Variants in DDX10 observed in about 807,000 individuals in gnomAD.
DDX10 encodes DEAD-box helicase 10, also known as probable ATP-dependent RNA helicase DDX10.
DDX10 carries 74 observed loss-of-function variants against 104.3 expected under a neutral mutation model. That is an observed-to-expected ratio of 0.71 (90% CI 0.59 to 0.86). The LOEUF (loss-of-function observed/expected upper bound fraction) is 0.86. Among genes scored for constraint, DDX10 ranks in the 40% least tolerant of loss-of-function variants. DDX10 has a pLI of 0.00. For synonymous variants in DDX10, 351 were observed against 353.4 expected, an observed-to-expected ratio of 0.99 and a Z score of 0.08; for missense variants, 952 against 1,040.0, an observed-to-expected ratio of 0.92 and a Z score of 1.16.
intron 6 of DDX10, among the ~76,000 whole-genome samples, chr11:108,683,302 T>G (rs2094238123): frequency 6.6e-6 from 1 of 152,230 alleles, no homozygotes; most frequent in African/African-American, 2.4e-5. Flanking sequence ...GGTTGGCATG[T>G]TCCTCAAGGG....
chr11:108,885,182 C>G (rs1347972746), intron 16 of DDX10, among the ~76,000 whole-genome samples: 1 of 152,018 alleles, frequency 6.6e-6, no homozygotes, highest in Non-Finnish European at 1.5e-5. Context: ...TTCCAAATGG[C>G]CTTCAGTGTA....
chr11:108,890,573 A>G (rs1863362470), intron 16 of DDX10, among the ~76,000 whole-genome samples: 1 of 151,990 alleles, frequency 6.6e-6, no homozygotes, highest in African/African-American at 2.4e-5. Flanking sequence ...CCACTTAAAA[A>G]AAAAAAAAAG....
chr11:108,848,446 T>C lies in DDX10; in HGVS notation c.2248-3707T>C, dbSNP rs1256280201. Among the ~76,000 whole-genome samples the C allele has an allele frequency of 2.6e-5, 4 of 152,160 alleles. No homozygotes were observed. In the East Asian group the frequency reaches 7.7e-4, roughly 29 times the overall value. ...AATGAAGCTTATTTATATGAGAGGA[T>C]AAAAGATCCTTTTCATGACAACCCT... On this transcript the variant is annotated intron_variant, in intron 15 of 17. Coordinates refer to ENST00000322536, the MANE Select transcript of DDX10 (RefSeq NM_004398.4).
In DDX10 at chr11:108,841,346, C is replaced by G; in HGVS notation, c.2117C>G (p.Ser706Cys). 4 of 1,613,286 alleles carry G rather than the reference C, an allele frequency of 2.5e-6. No individual in the cohort carries two copies. Among genetic ancestry groups the G allele is most frequent in the South Asian group, 2.2e-5 (2 of 90,982 alleles). Residue 706 changes from serine to cysteine, a missense_variant, in exon 15 of 18, where the codon TCT (serine) becomes TGT (cysteine). Ser to Cys is a moderately radical substitution (Grantham distance 112, BLOSUM62 -1). This residue lies in a region of DDX10 where 533 missense variants were observed against 534.1 expected (regional missense o/e 1.00). Transcript: ENST00000322536. Reference protein sequence around the residue: ...LVQQWPQMQKSAIKDAEEDDD... With the variant: ...LVQQWPQMQKCAIKDAEEDDD... ...CAGCAGTGGCCACAAATGCAGAAAT[C>G]TGCCATCAAGGATGCTGAGGAAGAT...
intron 16 of DDX10, among the ~76,000 whole-genome samples, chr11:108,907,210 G>A (rs1394778967): frequency 1.3e-5 from 2 of 152,148 alleles, no homozygotes; most frequent in African/African-American, 4.8e-5. Context: ...GGTATTGAGA[G>A]GAAATTGTGT....
chr11:108,826,045 C>T (rs777987266), intron 13 of DDX10, among the ~76,000 whole-genome samples: 171 of 152,202 alleles, frequency 1.1e-3, no homozygotes, highest in Non-Finnish European at 1.8e-3. Context: ...AGCTGTGATT[C>T]TTATCAGAAG....
At chr11:108,915,593 A>G (rs1417448398) in intron 16 of DDX10, among the ~76,000 whole-genome samples, 1 of 152,184 alleles carries the variant, frequency 6.6e-6, no homozygotes, top group Non-Finnish European at 1.5e-5. Flanking sequence ...CCAAGTAACC[A>G]ATGTATGATG....
chr11:108,836,614 G>A, intron 13 of DDX10, among the ~76,000 whole-genome samples: 2 of 152,130 alleles, frequency 1.3e-5, no homozygotes, highest in Non-Finnish European at 2.9e-5. Flanking sequence ...AGCCTCCTGA[G>A]TAGCTGGGAT....
At position 108,679,400 on chromosome 11, in the gene DDX10, A is replaced by G. The variant is rs774518222; in HGVS notation, c.688A>G (p.Met230Val). 1.4e-5 allele frequency: 23 copies of G among 1,603,102 alleles called. No homozygotes were observed. The highest frequency in any genetic ancestry group is 1.8e-5 in the Non-Finnish European group (21 of 1,177,674). The change falls in exon 6 of 18, where the codon ATG (methionine) becomes GTG (valine). Residue 230 changes from methionine to valine, a missense_variant. Transcript: ENST00000322536. ...VLDEADRILDMGFADTMNAVI... is the reference protein window; with the variant it reads ...VLDEADRILDVGFADTMNAVI... Reference sequence around the variant, plus strand: ...TGATGAAGCAGATAGAATCTTGGATATGGGCTTTGCTGATACCATGAATGC... The same window carrying G: ...TGATGAAGCAGATAGAATCTTGGATGTGGGCTTTGCTGATACCATGAATGC...
Position 108,940,409 on chromosome 11 carries a change from A to T in DDX10, c.2614A>T (p.Arg872Ter). Residue 872 changes from arginine (R) to a stop codon, truncating the protein, a stop_gained, in exon 18 of 18, where the codon AGA becomes TGA. Coordinates refer to ENST00000322536, the MANE Select transcript of DDX10 (RefSeq NM_004398.4). LOFTEE classifies it high-confidence loss of function. ...EDEELVLHLL[R>*]SQS The stretch of plus-strand genomic sequence containing the variant: ...TGAAGAGCTGGTGTTACATCTGCTA[A>T]GAAGTCAAAGCTAAATACTTCCTGC... The T allele has an allele frequency of 6.2e-7, 1 of 1,613,612 alleles. No homozygotes were observed. Among genetic ancestry groups the T allele is most frequent in the Non-Finnish European group, 8.5e-7 (1 of 1,179,834 alleles).
At chr11:108,793,672 TATACA>T (rs148066379) in intron 13 of DDX10, among the ~76,000 whole-genome samples, 5,084 of 152,276 alleles carry the variant, frequency 0.033, 274 homozygotes, top group African/African-American at 0.11. Flanking sequence ...TATTTTGAAA[TATACA>T]ATACATTCTT....
intron 9 of DDX10, among the ~76,000 whole-genome samples, chr11:108,701,671 T>TTC (rs1166176538): frequency 1.5e-5 from 2 of 129,398 alleles, no homozygotes; most frequent in Admixed American, 9.7e-5. Context: ...TTTCTTCTTC[T>TTC]TCTCTTTTTT....
At chr11:108,876,705 C>T (rs1333394552) in intron 16 of DDX10, among the ~76,000 whole-genome samples, 1 of 152,158 alleles carries the variant, frequency 6.6e-6, no homozygotes, top group African/African-American at 2.4e-5. Context: ...AACACTTGTG[C>T]ATCACCTGTT....
intron 9 of DDX10, among the ~76,000 whole-genome samples, chr11:108,698,270 A>G (rs1010023707): frequency 5.3e-5 from 8 of 152,196 alleles, no homozygotes; most frequent in African/African-American, 1.9e-4. Context: ...ATAAAAGTAA[A>G]AAGACAGTTT....
At chr11:108,882,155 T>A (rs1052164978) in intron 16 of DDX10, among the ~76,000 whole-genome samples, 1 of 152,154 alleles carries the variant, frequency 6.6e-6, no homozygotes, top group African/African-American at 2.4e-5. Context: ...CCATCCTCCA[T>A]AAAATAGATT....
At chr11:108,665,465 C>T (rs1565239064) in intron 1 of DDX10, 126 bp downstream of exon 1, 6 of 1,106,892 alleles carry the variant, frequency 5.4e-6, no homozygotes, top group Non-Finnish European at 7.5e-6. Context: ...TGAGAGGTCA[C>T]GCCGGGTGCC....
At chr11:108,742,639 T>G (rs1382746218) in intron 13 of DDX10, among the ~76,000 whole-genome samples, 1 of 152,016 alleles carries the variant, frequency 6.6e-6, no homozygotes, top group Non-Finnish European at 1.5e-5. Flanking sequence ...AGAACTAGAT[T>G]GATAGACTGC....
At chr11:108,834,726 G>A (rs2134589990) in intron 13 of DDX10, among the ~76,000 whole-genome samples, 1 of 152,092 alleles carries the variant, frequency 6.6e-6, no homozygotes, top group South Asian at 2.1e-4. Flanking sequence ...GCCAGATCGA[G>A]ACCATCCTGG....
chr11:108,678,231 C>T (rs1037263409), intron 4 of DDX10, 84 bp from the exon 5 acceptor site: 2 of 1,349,888 alleles, frequency 1.5e-6, no homozygotes, highest in Non-Finnish European at 2.0e-6. Flanking sequence ...GATGAAATGC[C>T]CATGCAGATG....
Sources: gnomAD v4.1 joint callset for allele counts (sites outside exome capture counted in the v4.1 genomes callset) on GRCh38, gnomAD v4.1.1 for gene constraint, gnomAD v4.1.1 regional missense constraint, MANE v1.5 for transcripts, NCBI Gene and HGNC (gene_info 2026-07-23, HGNC 2026-07-21) for gene names.